The following CSF2RA variants were observed in gnomAD, a reference collection of about 807,000 sequenced individuals.
CSF2RA encodes the protein colony stimulating factor 2 receptor subunit alpha.
In CSF2RA, 42 loss-of-function variants were observed where a neutral mutation model predicts 51.6. That is an observed-to-expected ratio of 0.81 (90% CI 0.64 to 1.05). CSF2RA has a LOEUF of 1.05. CSF2RA is among the 50% of genes least tolerant of loss of function. CSF2RA has a pLI of 0.00. For synonymous variants in CSF2RA, 222 were observed against 193.0 expected, an observed-to-expected ratio of 1.15 and a Z score of -1.24; for missense variants, 530 against 501.1, an observed-to-expected ratio of 1.06 and a Z score of -0.55.
chrX:1,290,095 GTGTT>G (rs1361917936), intron 6 of CSF2RA, among the ~76,000 whole-genome samples: 4 of 108,124 alleles, frequency 3.7e-5, no homozygotes, highest in African/African-American at 1.4e-4. Flanking sequence ...GTTTTGTTTT[GTGTT>G]TGTTTTTGTT....
the CSF2RA span, among the ~76,000 whole-genome samples, chrX:1,324,567 G>A: frequency 8.1e-5 from 12 of 147,820 alleles, no homozygotes; most frequent in African/African-American, 2.5e-4. Context: ...AAGAAAAGAA[G>A]GAAGGAAGGA....
the CSF2RA span, among the ~76,000 whole-genome samples, chrX:1,316,896 C>T: frequency 6.6e-6 from 1 of 152,222 alleles, no homozygotes; most frequent in Admixed American, 6.5e-5. Context: ...GCTGAATAAT[C>T]ACTAACAATG....
chrX:1,273,848 T>C (rs2148043177), intron 1 of CSF2RA, among the ~76,000 whole-genome samples: 1 of 151,386 alleles, frequency 6.6e-6, no homozygotes, highest in East Asian at 1.9e-4. Flanking sequence ...TCTGCCCGCC[T>C]CGGCCTCCCG....
the CSF2RA span, among the ~76,000 whole-genome samples, chrX:1,316,687 G>C: frequency 6.6e-6 from 1 of 152,186 alleles, no homozygotes; most frequent in Non-Finnish European, 1.5e-5. Context: ...GCTCCCCAAC[G>C]CCTGGGTTCT....
chrX:1,294,919 G>A (rs1300227315), intron 8 of CSF2RA, among the ~76,000 whole-genome samples: 2 of 152,200 alleles, frequency 1.3e-5, no homozygotes, highest in African/African-American at 4.8e-5. Flanking sequence ...TAGACAGGAG[G>A]AGTTCTTGTC....
the CSF2RA span, among the ~76,000 whole-genome samples, chrX:1,323,095 C>G: frequency 1.3e-5 from 2 of 149,284 alleles, no homozygotes; most frequent in East Asian, 2.0e-4. Context: ...CGCCACCGCA[C>G]TCCAGCCTGA....
chrX:1,297,121 C>T (rs2092015976), intron 9 of CSF2RA, among the ~76,000 whole-genome samples: 1 of 67,566 alleles, frequency 1.5e-5, no homozygotes, highest in Non-Finnish European at 2.9e-5. Context: ...ACGACCCCTA[C>T]ACTCTCCTAC....
downstream of CSF2RA, among the ~76,000 whole-genome samples, chrX:1,314,229 G>T (rs1369480212): frequency 1.9e-5 from 2 of 105,216 alleles, no homozygotes; most frequent in African/African-American, 5.8e-5. Context: ...CAACCCCACT[G>T]CACCTGCCCA....
At chrX:1,310,099 G>T (rs1240496672), downstream of CSF2RA, 1 of 304,928 alleles carries the variant, frequency 3.3e-6, no homozygotes, top group East Asian at 6.1e-5. Flanking sequence ...GGAGGCTGAG[G>T]CGGGAGGATC....
the CSF2RA span, among the ~76,000 whole-genome samples, chrX:1,321,470 A>AAAAT: frequency 0.034 from 5,099 of 151,604 alleles, 199 homozygotes; most frequent in East Asian, 0.22. Flanking sequence ...CTCCATCTCA[A>AAAAT]AAATAAATAA....
chrX:1,272,853 T>C (rs28887625), intron 1 of CSF2RA, among the ~76,000 whole-genome samples: 104,174 of 144,030 alleles, frequency 0.72, 38,008 homozygotes, highest in Middle Eastern at 0.8. Flanking sequence ...GAGTCTAACT[T>C]TGTCGCCCAG....
chrX:1,295,353 C>A, intron 8 of CSF2RA, 74 bp from the exon 9 acceptor site: 1 of 1,589,886 alleles, frequency 6.3e-7, no homozygotes. Context: ...CCAGGGGAGA[C>A]ACTGTGTGAA....
Position 1,268,833 on chromosome X carries a change from C to T in CSF2RA, c.-137C>T, listed in dbSNP as rs768689242. The T allele has an allele frequency of 6.2e-5, 28 of 453,962 alleles. No individual in the cohort carries two copies. The highest frequency in any genetic ancestry group is 4.4e-4 in the African/African-American group (22 of 50,042). The allele number at this position is 453,962 out of a possible 1,614,324, so 28.1% of individuals were successfully genotyped here. ...GGAGCTACTCAGAAGCGGGAGTCTC[C>T]GAGAGAAGAAAAGCAGGTGGAAGGA... On this transcript the variant is annotated 5_prime_UTR_variant, in exon 1 of 13. Transcript: ENST00000381529.
intron 10 of CSF2RA, among the ~76,000 whole-genome samples, chrX:1,301,595 C>CTTTTTT (rs777108928): frequency 9.5e-6 from 1 of 105,800 alleles, no homozygotes; most frequent in African/African-American, 3.5e-5. Context: ...CTCTTTTTTT[C>CTTTTTT]TTTTTTTTTT....
chrX:1,308,107 A>AC (rs1386391496), intron 12 of CSF2RA, among the ~76,000 whole-genome samples: 2 of 152,050 alleles, frequency 1.3e-5, no homozygotes, highest in Admixed American at 1.3e-4. Context: ...GATAAGGCCC[A>AC]CCCACATTCT....
At chrX:1,322,437 T>G in the CSF2RA span, among the ~76,000 whole-genome samples, 11 of 89,038 alleles carry the variant, frequency 1.2e-4, no homozygotes, top group East Asian at 5.2e-4. Context: ...CTGTGTGTGT[T>G]TGTTTTTTTT....
the CSF2RA span, among the ~76,000 whole-genome samples, chrX:1,321,836 GC>G: frequency 2.0e-5 from 3 of 152,034 alleles, no homozygotes; most frequent in African/African-American, 7.2e-5. Flanking sequence ...CCACAAACTT[GC>G]CCCAAGTATC....
chrX:1,270,589 T>C (rs1308950340), intron 1 of CSF2RA, among the ~76,000 whole-genome samples: 2 of 151,958 alleles, frequency 1.3e-5, no homozygotes, highest in African/African-American at 4.8e-5. Flanking sequence ...TGAAAGCTTT[T>C]GTTCTGAAGA....
At chrX:1,283,473 C>T (rs1285760000) in intron 3 of CSF2RA, among the ~76,000 whole-genome samples, 3 of 143,194 alleles carry the variant, frequency 2.1e-5, no homozygotes, top group Non-Finnish European at 4.5e-5. Context: ...TCCCTCCCTC[C>T]CTCTCTCTCT....
Sources: gnomAD v4.1 joint callset for allele counts (sites outside exome capture counted in the v4.1 genomes callset) on GRCh38, gnomAD v4.1.1 for gene constraint, MANE v1.5 for transcripts, NCBI Gene and HGNC (gene_info 2026-07-23, HGNC 2026-07-21) for gene names.